NAV3: variants seen among roughly 807,000 people sequenced by gnomAD.
NAV3 encodes the protein neuron navigator 3.
Under a neutral mutation model 244.7 loss-of-function variants are expected in NAV3, and 87 were observed. The observed-to-expected ratio is 0.36, with a 90% CI of 0.30 to 0.42. The LOEUF is 0.42. Ranked by LOEUF, NAV3 falls within the 20% of genes least tolerant of loss-of-function variation. The probability of loss-of-function intolerance (pLI) is 1.00; values close to 1 mark genes in which losing one functional copy is unlikely to be tolerated. For synonymous variants in NAV3, 1,126 were observed against 1,042.2 expected (o/e 1.08, Z -1.55); for missense variants, 2,663 against 2,893.3 (o/e 0.92, Z 1.83).
intron 2 of NAV3, among the ~76,000 whole-genome samples, chr12:77,711,702 AC>A (rs1271948094): frequency 6.6e-6 from 1 of 152,144 alleles, no homozygotes; most frequent in Non-Finnish European, 1.5e-5. Context: ...GGAGGTGGGC[AC>A]CCACAGACTG....
chr12:78,150,786 C>A (rs1281515356), intron 22 of NAV3, among the ~76,000 whole-genome samples: 1 of 151,694 alleles, frequency 6.6e-6, no homozygotes, highest in Non-Finnish European at 1.5e-5. Flanking sequence ...AGTTGGCTAC[C>A]CACCTCGTCT....
chr12:78,182,922 G>A (rs1257585253), intron 30 of NAV3, among the ~76,000 whole-genome samples: 1 of 151,928 alleles, frequency 6.6e-6, no homozygotes, highest in South Asian at 2.1e-4. Context: ...TTAACAGACA[G>A]ACTTTCTAAG....
intron 2 of NAV3, among the ~76,000 whole-genome samples, chr12:77,645,686 G>C (rs1872583087): frequency 6.6e-6 from 1 of 151,584 alleles, no homozygotes; most frequent in South Asian, 2.1e-4. Context: ...AATTTCAAAA[G>C]ACCCTTATTC....
chr12:77,705,594 C>T (rs573914855), intron 2 of NAV3, among the ~76,000 whole-genome samples: 3 of 151,376 alleles, frequency 2.0e-5, no homozygotes, highest in Admixed American at 1.3e-4. Flanking sequence ...GGCACACTTT[C>T]GAGAAAAGGA....
intron 2 of NAV3, among the ~76,000 whole-genome samples, chr12:77,665,159 C>T (rs2137053035): frequency 6.6e-6 from 1 of 152,152 alleles, no homozygotes; most frequent in African/African-American, 2.4e-5. Flanking sequence ...TTTATAAACC[C>T]CTGGAACTTT....
chr12:78,178,132 A>C (rs530148248), intron 28 of NAV3, among the ~76,000 whole-genome samples: 1 of 151,190 alleles, frequency 6.6e-6, no homozygotes, highest in African/African-American at 2.4e-5. Flanking sequence ...AGTTATATTA[A>C]TGTGGTCTCT....
intron 8 of NAV3, among the ~76,000 whole-genome samples, chr12:78,012,713 T>C (rs1012755237): frequency 1.3e-5 from 2 of 152,168 alleles, no homozygotes; most frequent in African/African-American, 4.8e-5. Context: ...TCCAACCACC[T>C]ACTCCAGGGG....
rs554048156 is a variant in NAV3, at chr12:77,657,546, C to T, written c.72+85280C>T. On this transcript the variant is annotated intron_variant, in intron 2 of 8. Transcript: ENST00000550042. ...CAGAGGTACAAGGAGGAACTGGTAC[C>T]ATTCCTTCTGAAACTATTACAATCA... Among the ~76,000 whole-genome samples the T allele has an allele frequency of 7.2e-5, 11 of 152,280 alleles. No individual in the cohort carries two copies. The East Asian group carries it at 1.9e-3, about 27-fold the overall frequency.
At chr12:78,144,877 G>T (rs143578753) in intron 20 of NAV3, among the ~76,000 whole-genome samples, 3 of 129,428 alleles carry the variant, frequency 2.3e-5, no homozygotes, top group African/African-American at 5.9e-5. Context: ...TTGTGAATGC[G>T]CAGTGCACCT....
chr12:78,035,133 T>C (rs1473537914), intron 9 of NAV3, among the ~76,000 whole-genome samples: 1 of 152,184 alleles, frequency 6.6e-6, no homozygotes, highest in East Asian at 1.9e-4. Flanking sequence ...TGTAAAGTTA[T>C]AGGCAATGCA....
intron 4 of NAV3, among the ~76,000 whole-genome samples, chr12:77,967,505 C>T (rs1892624811): frequency 2.0e-5 from 3 of 151,976 alleles, no homozygotes; most frequent in South Asian, 4.2e-4. Flanking sequence ...TATGATAAAC[C>T]ATCAGAGAGC....
intron 22 of NAV3, among the ~76,000 whole-genome samples, chr12:78,154,256 T>TATAATATATAGTATATATTACTAG (rs777077842): frequency 0.21 from 26,334 of 127,850 alleles, 3,296 homozygotes; most frequent in East Asian, 0.43. Flanking sequence ...TATATTACTA[T>TATAATATATAGTATATATTACTAG]ATAATATATA....
intron 2 of NAV3, among the ~76,000 whole-genome samples, chr12:77,642,451 G>A (rs375946342): frequency 8.5e-5 from 13 of 152,128 alleles, no homozygotes; most frequent in African/African-American, 2.2e-4. Context: ...GGTAAATTAC[G>A]CAATTCTAAT....
chr12:78,158,110 T>C (rs1014362133), intron 22 of NAV3, among the ~76,000 whole-genome samples: 1 of 152,182 alleles, frequency 6.6e-6, no homozygotes, highest in African/African-American at 2.4e-5. Flanking sequence ...TGCCTCAGCA[T>C]TTCCACTCTG....
chr12:78,205,016 C>G lies in NAV3; in HGVS notation c.6916C>G (p.Gln2306Glu), dbSNP rs1252981344. ...TYPWSSATLP[Q>E]ESPALLQLRP... Reference sequence around the variant, plus strand: ...TCCATGGAGCTCAGCAACTCTGCCTCAGGAGAGCCCAGCCTTACTTCAGCT... The same window carrying G: ...TCCATGGAGCTCAGCAACTCTGCCTGAGGAGAGCCCAGCCTTACTTCAGCT... Residue 2306 changes from glutamine (Q) to glutamate (E), a missense_variant, in exon 39 of 40, where the codon CAG (glutamine) becomes GAG (glutamate). Coordinates refer to ENST00000397909, the MANE Select transcript of NAV3 (RefSeq NM_001024383.2). The G allele has an allele frequency of 6.2e-7, 1 of 1,613,608 alleles. No individual in the cohort carries two copies.
Position 78,007,013 on chromosome 12 carries a change from C to G in NAV3, c.1475C>G (p.Thr492Arg), listed in dbSNP as rs2136581870. Residue 492 changes from threonine to arginine, a missense_variant, in exon 8 of 40, where the codon ACA (threonine) becomes AGA (arginine). This residue lies in a region of NAV3 where 1,521 missense variants were observed against 1,497.0 expected (regional missense o/e 1.02). Transcript: ENST00000397909. Reference protein sequence around the residue: ...KPVKEEKDQVTEMAPKKTSKI... With the variant: ...KPVKEEKDQVREMAPKKTSKI... ...GTCAAAGAAGAGAAGGATCAGGTGA[C>G]AGAGATGGCTCCAAAAAAGACCTCC... 1 of 1,614,106 alleles carries G rather than the reference C, an allele frequency of 6.2e-7. No individual in the cohort carries two copies. The highest frequency in any genetic ancestry group is 8.5e-7 in the Non-Finnish European group (1 of 1,180,030).
At chr12:77,974,679 G>T (rs1032421062) in intron 5 of NAV3, among the ~76,000 whole-genome samples, 1 of 152,178 alleles carries the variant, frequency 6.6e-6, no homozygotes, top group South Asian at 2.1e-4. Context: ...AGTCAAGCAA[G>T]TATGGGTTGG....
At chr12:77,759,763 A>T (rs1479327765) in intron 2 of NAV3, among the ~76,000 whole-genome samples, 7 of 151,408 alleles carry the variant, frequency 4.6e-5, no homozygotes, top group Admixed American at 3.3e-4. Context: ...TCTGATTTTT[A>T]TTTTTTTTTA....
chr12:78,128,562 G>A, intron 17 of NAV3, 144 bp from the exon 18 acceptor site: 2 of 786,880 alleles, frequency 2.5e-6, no homozygotes, highest in Non-Finnish European at 3.8e-6. Flanking sequence ...AAGATCATCT[G>A]GAAGAACTGA....
Sources: gnomAD v4.1 joint callset for allele counts (sites outside exome capture counted in the v4.1 genomes callset) on GRCh38, gnomAD v4.1.1 for gene constraint, gnomAD v4.1.1 regional missense constraint, MANE v1.5 for transcripts, NCBI Gene and HGNC (gene_info 2026-07-23, HGNC 2026-07-21) for gene names.